The following LPP variants were observed in gnomAD, a reference collection of about 807,000 sequenced individuals.
The protein encoded by LPP is lipoma-preferred partner.
Under a neutral mutation model 60.4 loss-of-function variants are expected in LPP, and 38 were observed. The observed-to-expected ratio is 0.63, with a 90% confidence interval of 0.49 to 0.83. The LOEUF (loss-of-function observed/expected upper bound fraction) is 0.83. Ranked by LOEUF, LPP falls within the 40% of genes least tolerant of loss-of-function variation. The pLI is 0.00. For missense variants in LPP, 902 were observed against 783.6 expected, an observed-to-expected ratio of 1.15 and a Z score of -1.80; for synonymous variants, 328 against 290.8, an observed-to-expected ratio of 1.13 and a Z score of -1.30.
chr3:188,786,164 G>A (rs1338562197), intron 9 of LPP, among the ~76,000 whole-genome samples: 3 of 151,942 alleles, frequency 2.0e-5, no homozygotes, highest in Admixed American at 2.0e-4. Flanking sequence ...TGGATCACTT[G>A]AGGTCAGGAG....
intron 8 of LPP, among the ~76,000 whole-genome samples, chr3:188,731,605 C>A (rs893893208): frequency 6.7e-6 from 1 of 150,184 alleles, no homozygotes; most frequent in African/African-American, 2.4e-5. Context: ...TCACTGCAAC[C>A]TCCGCCTCCT....
At chr3:188,691,006 T>C (rs575879136) in intron 7 of LPP, among the ~76,000 whole-genome samples, 115 of 152,300 alleles carry the variant, frequency 7.6e-4, no homozygotes, top group African/African-American at 2.6e-3. Context: ...TATTTTTCCC[T>C]AGAGAGAAAC....
At chr3:188,752,591 A>G (rs536122690) in intron 8 of LPP, among the ~76,000 whole-genome samples, 2 of 152,328 alleles carry the variant, frequency 1.3e-5, no homozygotes, top group South Asian at 4.1e-4. Context: ...GTTGTTATCA[A>G]AAAGTTACTG....
intron 9 of LPP, among the ~76,000 whole-genome samples, chr3:188,806,588 T>C (rs1486890394): frequency 6.6e-6 from 1 of 151,954 alleles, no homozygotes; most frequent in Non-Finnish European, 1.5e-5. Flanking sequence ...AATCAGCTTT[T>C]GTTACTTTTC....
intron 2 of LPP, among the ~76,000 whole-genome samples, chr3:188,244,672 T>C (rs1726233650): frequency 6.6e-6 from 1 of 152,192 alleles, no homozygotes. Flanking sequence ...TATGATTGTT[T>C]GTTGTAGAGG....
intron 6 of LPP, among the ~76,000 whole-genome samples, chr3:188,571,982 GCTGT>G (rs1434811104): frequency 1.3e-5 from 2 of 152,056 alleles, no homozygotes; most frequent in Non-Finnish European, 2.9e-5. Flanking sequence ...ATCAAAATCT[GCTGT>G]CTATGGAGAT....
At chr3:188,495,082 A>ATATATATATT (rs1342207321) in intron 5 of LPP, among the ~76,000 whole-genome samples, 9 of 97,244 alleles carry the variant, frequency 9.3e-5, no homozygotes, top group African/African-American at 3.2e-4. Flanking sequence ...ATATATATAT[A>ATATATATATT]TTTTATTTAT....
chr3:188,576,771 G>T (rs1391049935), intron 6 of LPP, among the ~76,000 whole-genome samples: 1 of 152,192 alleles, frequency 6.6e-6, no homozygotes, highest in African/African-American at 2.4e-5. Context: ...ACTGTGTCCT[G>T]ATGGGTGATA....
At chr3:188,825,269 CTGTGTGTGTGTGTGTGTGTGTGTG>C (rs3057956) in intron 9 of LPP, among the ~76,000 whole-genome samples, 1 of 101,690 alleles carries the variant, frequency 9.8e-6, no homozygotes, top group African/African-American at 3.9e-5. Flanking sequence ...CTCTCTCTCT[CTGTGTGTGTGTGTGTGTGTGTGTG>C]TGTGTGTGTG....
Position 188,583,015 on chromosome 3 carries a change from G to C in LPP, c.430-26146G>C, listed in dbSNP as rs550779611. On this transcript the variant is annotated intron_variant, in intron 6 of 11. Coordinates refer to ENST00000617246, the MANE Select transcript of LPP (RefSeq NM_001375462.1). ...CCATCGCCCCAATCTATCCACCAAG[G>C]CTTTCCTAAAATGCAAGTCTGACTG... is the stretch of plus-strand genomic sequence containing the variant. Among the ~76,000 whole-genome samples the C allele has an allele frequency of 7.2e-5, 11 of 152,208 alleles. No homozygotes were observed. In the South Asian group the frequency reaches 2.3e-3, roughly 32 times the overall value.
chr3:188,257,292 G>T (rs979078238), intron 2 of LPP, among the ~76,000 whole-genome samples: 3 of 152,182 alleles, frequency 2.0e-5, no homozygotes, highest in Non-Finnish European at 4.4e-5. Flanking sequence ...TTGAGGATGG[G>T]CAGGCTTTGA....
intron 9 of LPP, among the ~76,000 whole-genome samples, chr3:188,761,284 G>T (rs977388289): frequency 1.3e-5 from 2 of 152,170 alleles, no homozygotes; most frequent in African/African-American, 4.8e-5. Flanking sequence ...TTTTGGCCTG[G>T]TTGGTATTTT....
chr3:188,289,643 T>G (rs2150027392), intron 2 of LPP, among the ~76,000 whole-genome samples: 1 of 152,276 alleles, frequency 6.6e-6, no homozygotes, highest in East Asian at 1.9e-4. Flanking sequence ...AAACACATGT[T>G]TTTTTCATGG....
chr3:188,638,223 T>G lies in LPP; in HGVS notation c.1113+28379T>G, dbSNP rs932506525. Among the ~76,000 whole-genome samples, 110 of 142,880 alleles carry G rather than the reference T, an allele frequency of 7.7e-4. 1 individual carries two copies. The East Asian group carries it at 0.019, about 24-fold the overall frequency. The allele number at this position is 142,880 out of a possible 152,430, so 93.7% of individuals were successfully genotyped here. ...GGCTGGTTCAATATATGCAAATCAA[T>G]AAATGTAATCCAGCATATAAACAGA... On this transcript the variant is annotated intron_variant, in intron 7 of 11. Coordinates refer to ENST00000617246, the MANE Select transcript of LPP (RefSeq NM_001375462.1).
chr3:188,672,794 G>A (rs540856919), intron 7 of LPP, among the ~76,000 whole-genome samples: 1 of 152,312 alleles, frequency 6.6e-6, no homozygotes, highest in East Asian at 1.9e-4. Context: ...TGCTCCTGGA[G>A]CTGCTGCCAA....
Position 188,870,620 on chromosome 3 carries a change from A to C in LPP, c.1590-2023A>C, listed in dbSNP as rs79809980. 2.4e-3 allele frequency among the ~76,000 whole-genome samples: 367 copies of C among 152,332 alleles called. 2 individuals are homozygous for C. Among genetic ancestry groups the C allele is most frequent in the African/African-American group, 8.6e-3 (358 of 41,578 alleles). ...CACTTAACAGGGCTTGGCACATAAT[A>C]AGCACTCAATAAATGGTAGCTTTAA... is the stretch of plus-strand genomic sequence containing the variant. On this transcript the variant is annotated intron_variant, in intron 10 of 11. Transcript: ENST00000617246.
chr3:188,361,778 G>A (rs1769490133), intron 3 of LPP, among the ~76,000 whole-genome samples: 1 of 152,070 alleles, frequency 6.6e-6, no homozygotes, highest in South Asian at 2.1e-4. Flanking sequence ...ATGTTGGCCA[G>A]GCTGGTCTCG....
intron 7 of LPP, among the ~76,000 whole-genome samples, chr3:188,676,879 A>G (rs1858237206): frequency 6.6e-6 from 1 of 152,192 alleles, no homozygotes; most frequent in Non-Finnish European, 1.5e-5. Context: ...TGATTGTGTT[A>G]TATAAGACTG....
At chr3:188,471,656 G>T (rs1394107587) in intron 4 of LPP, among the ~76,000 whole-genome samples, 1 of 152,192 alleles carries the variant, frequency 6.6e-6, no homozygotes, top group African/African-American at 2.4e-5. Flanking sequence ...CTGAGCTAGA[G>T]GTTCATTTGA....
Sources: allele counts gnomAD v4.1 joint callset (sites outside exome capture counted in the v4.1 genomes callset), GRCh38; gene constraint gnomAD v4.1.1; transcripts MANE v1.5; gene names NCBI Gene and HGNC (gene_info 2026-07-23, HGNC 2026-07-21).